Variants in SLC2A9 observed in about 807,000 individuals in gnomAD.
The protein encoded by SLC2A9 is solute carrier family 2 member 9.
Under a neutral mutation model 50.6 loss-of-function variants are expected in SLC2A9, and 39 were observed. That is an observed-to-expected ratio of 0.77 (90% CI 0.60 to 1.01). The LOEUF is 1.01. Ranked by LOEUF, SLC2A9 falls within the 50% of genes least tolerant of loss-of-function variation. The probability of loss-of-function intolerance (pLI) is 0.00; values close to 1 mark genes in which losing one functional copy is unlikely to be tolerated. For synonymous variants in SLC2A9, 324 were observed against 276.9 expected, an observed-to-expected ratio of 1.17 and a Z score of -1.69; for missense variants, 686 against 677.6, an observed-to-expected ratio of 1.01 and a Z score of -0.14.
intron 3 of SLC2A9, among the ~76,000 whole-genome samples, chr4:9,811,148 C>T (rs971170717): frequency 1.3e-5 from 2 of 152,210 alleles, no homozygotes; most frequent in Non-Finnish European, 2.9e-5. Context: ...CAGGGATACA[C>T]AAATGACCTG....
chr4:9,981,512 T>C (rs1450043049), intron 4 of SLC2A9, among the ~76,000 whole-genome samples: 1 of 152,218 alleles, frequency 6.6e-6, no homozygotes, highest in African/African-American at 2.4e-5. Context: ...TAAAGATTAG[T>C]AAACTGAGGC....
At chr4:10,011,291 G>T (rs993536727) in intron 2 of SLC2A9, among the ~76,000 whole-genome samples, 1 of 152,106 alleles carries the variant, frequency 6.6e-6, no homozygotes, top group Non-Finnish European at 1.5e-5. Flanking sequence ...AGCCCTGTCT[G>T]CCCATTTCAG....
At chr4:9,984,311 G>A (rs1756356762) in intron 4 of SLC2A9, among the ~76,000 whole-genome samples, 1 of 152,126 alleles carries the variant, frequency 6.6e-6, no homozygotes, top group African/African-American at 2.4e-5. Context: ...ATCTCACTCA[G>A]CTGAACAACC....
chr4:9,896,428 A>G (rs56113653), intron 8 of SLC2A9, among the ~76,000 whole-genome samples: 39,988 of 152,006 alleles, frequency 0.26, 5,465 homozygotes, highest in Non-Finnish European at 0.28. Context: ...GTGTTCATAT[A>G]TTTTGCTCAT....
chr4:10,019,270 C>A, intron 1 of SLC2A9, 197 bp from the exon 2 acceptor site: 1 of 594,560 alleles, frequency 1.7e-6, no homozygotes, highest in Non-Finnish European at 3.0e-6. Context: ...CGTGCGCAGG[C>A]CGGGCGCCCT....
intron 10 of SLC2A9, among the ~76,000 whole-genome samples, chr4:9,866,161 T>G (rs1346117678): frequency 6.6e-6 from 1 of 152,110 alleles, no homozygotes; most frequent in East Asian, 1.9e-4. Flanking sequence ...GTAAAATGGG[T>G]GCACTGATCC....
downstream of SLC2A9, among the ~76,000 whole-genome samples, chr4:9,823,720 G>T (rs1177969075): frequency 6.6e-6 from 1 of 152,200 alleles, no homozygotes; most frequent in Non-Finnish European, 1.5e-5. Context: ...TATACATGAA[G>T]AATTCACTGG....
chr4:9,973,798 A>G (rs2109027397), intron 5 of SLC2A9, among the ~76,000 whole-genome samples: 1 of 152,008 alleles, frequency 6.6e-6, no homozygotes, highest in South Asian at 2.1e-4. Flanking sequence ...CCAATATGGC[A>G]CATGTATACA....
chr4:9,999,594 A>G (rs1759404066), intron 2 of SLC2A9, among the ~76,000 whole-genome samples: 1 of 152,192 alleles, frequency 6.6e-6, no homozygotes, highest in South Asian at 2.1e-4. Context: ...GGGGAGGAAC[A>G]GGACCAGAAA....
chr4:9,783,102 T>A (rs760009484), intron 3 of SLC2A9: 2 of 1,614,096 alleles, frequency 1.2e-6, no homozygotes, highest in African/African-American at 2.7e-5. Context: ...AACCCCGTCA[T>A]CTATGCCTTC....
Position 9,781,758 on chromosome 4 carries a change from C to A in SLC2A9, n.386-1693G>T, listed in dbSNP as rs1004658201. 39 of 385,614 alleles carry A rather than the reference C, an allele frequency of 1.0e-4. 1 individual carries two copies. Among genetic ancestry groups the A allele is most frequent in the Admixed American group, 4.8e-4 (11 of 22,770 alleles). The allele number at this position is 385,614 out of a possible 1,614,324, so 23.9% of individuals were successfully genotyped here. ...CCGGCGCGCTACAGACTCCCGAGAACAGCCCTGGCTGTCAGCGAGCACCAG... is the reference window on the plus strand; with the variant it reads ...CCGGCGCGCTACAGACTCCCGAGAAAAGCCCTGGCTGTCAGCGAGCACCAG... On this transcript the variant is annotated intron_variant and non_coding_transcript_variant, in intron 3 of 3. Coordinates refer to the SLC2A9 transcript ENST00000503803.
chr4:10,037,998 A>T (rs1030132942), intron 1 of SLC2A9, among the ~76,000 whole-genome samples: 1 of 152,108 alleles, frequency 6.6e-6, no homozygotes, highest in Non-Finnish European at 1.5e-5. Context: ...GACCCACGGT[A>T]GCTGTGATAA....
chr4:10,018,562 A>ATAGATAGATAGATG (rs1244768180), intron 2 of SLC2A9, among the ~76,000 whole-genome samples: 1 of 41,220 alleles, frequency 2.4e-5, no homozygotes, highest in Non-Finnish European at 6.2e-5. Flanking sequence ...ATAGATAGAT[A>ATAGATAGATAGATG]GATAGATAGA....
At chr4:9,970,351 G>A (rs1296725068) in intron 5 of SLC2A9, among the ~76,000 whole-genome samples, 1 of 152,194 alleles carries the variant, frequency 6.6e-6, no homozygotes, top group African/African-American at 2.4e-5. Context: ...GTTGAGAGAA[G>A]GTCTCAACTG....
chr4:10,025,876 A>T, upstream of SLC2A9: 1 of 1,593,046 alleles, frequency 6.3e-7, no homozygotes. Flanking sequence ...TAATCATGTA[A>T]GGGAGACAGA....
intron 11 of SLC2A9, among the ~76,000 whole-genome samples, chr4:9,827,160 T>C (rs2109082554): frequency 6.6e-6 from 1 of 152,354 alleles, no homozygotes; most frequent in Admixed American, 6.5e-5. Flanking sequence ...ATCACTCCGT[T>C]TTATGTATCC....
At chr4:10,036,221 C>A (rs1764101333) in intron 1 of SLC2A9, 1 of 152,460 alleles carries the variant, frequency 6.6e-6, no homozygotes, top group Non-Finnish European at 1.5e-5. Context: ...AGGCCCAGTT[C>A]CACCCCTTTG....
intron 10 of SLC2A9, among the ~76,000 whole-genome samples, chr4:9,861,107 T>C (rs574840047): frequency 6.6e-6 from 1 of 152,282 alleles, no homozygotes; most frequent in South Asian, 2.1e-4. Flanking sequence ...TACCTGAGAC[T>C]GGTAATTTAT....
chr4:9,996,923 T>C lies in SLC2A9; in HGVS notation c.268A>G (p.Asn90Asp). Reference sequence around the variant, plus strand: ...CCATGCCTTCTTTCCCATGACTCATTGTAAAAGGCCTTGATGTACTGAAAA... The same window carrying C: ...CCATGCCTTCTTTCCCATGACTCATCGTAAAAGGCCTTGATGTACTGAAAA... Reference protein sequence around the residue: ...APTPYIKAFYNESWERRHGRP... With the variant: ...APTPYIKAFYDESWERRHGRP... Residue 90 changes from asparagine (N) to aspartate (D), a missense_variant, in exon 3 of 12, where the codon AAT (asparagine) becomes GAT (aspartate). Physicochemically the swap from Asn to Asp is conservative, Grantham distance 23. Transcript: ENST00000264784. 3 of 1,614,134 alleles carry C rather than the reference T, an allele frequency of 1.9e-6. No individual in the cohort carries two copies. Among genetic ancestry groups the C allele is most frequent in the Non-Finnish European group, 2.5e-6 (3 of 1,179,984 alleles).
Sources: gnomAD v4.1 joint callset for allele counts (sites outside exome capture counted in the v4.1 genomes callset) on GRCh38, gnomAD v4.1.1 for gene constraint, MANE v1.5 for transcripts, NCBI Gene and HGNC (gene_info 2026-07-23, HGNC 2026-07-21) for gene names.